IMPG2: variants seen among roughly 807,000 people sequenced by gnomAD.
The protein encoded by IMPG2 is IPM 200.
Under a neutral mutation model 129.2 loss-of-function variants are expected in IMPG2, and 91 were observed. The observed-to-expected ratio is 0.70, with a 90% CI of 0.59 to 0.84. The LOEUF (loss-of-function observed/expected upper bound fraction) is 0.84. Among genes scored for constraint, IMPG2 ranks in the 40% least tolerant of loss-of-function variants. The pLI is 0.00. For missense variants in IMPG2, 1,430 were observed against 1,461.7 expected, an observed-to-expected ratio of 0.98 and a Z score of 0.35; for synonymous variants, 510 against 517.7, an observed-to-expected ratio of 0.99 and a Z score of 0.20.
chr3:101,229,313 A>AAC, intron 17 of IMPG2, 67 bp downstream of exon 17: 3 of 401,342 alleles, frequency 7.5e-6, no homozygotes, highest in East Asian at 5.6e-5. Flanking sequence ...CCCACCCACC[A>AAC]CCCCCTGCTC....
chr3:101,316,727 C>T (rs1412339145), intron 2 of IMPG2, among the ~76,000 whole-genome samples: 1 of 152,050 alleles, frequency 6.6e-6, no homozygotes, highest in Non-Finnish European at 1.5e-5. Context: ...GTGACCCAGA[C>T]GTTCCACTAT....
At chr3:101,301,505 T>G (rs1707139217) in intron 3 of IMPG2, among the ~76,000 whole-genome samples, 1 of 152,212 alleles carries the variant, frequency 6.6e-6, no homozygotes, top group Non-Finnish European at 1.5e-5. Flanking sequence ...CCCCTATCCT[T>G]GGCTTCATAC....
chr3:101,244,312 G>C lies in IMPG2; in HGVS notation c.2019C>G (p.Ser673=), dbSNP rs1215315034. The C allele has an allele frequency of 6.2e-7, 1 of 1,613,652 alleles. No homozygotes were observed. Among genetic ancestry groups the C allele is most frequent in the South Asian group, 1.1e-5 (1 of 91,068 alleles). Reference sequence around the variant, plus strand: ...GAGGCTCTTCCTCTGGAAAGTGTGTGGATCTGTCATCATGTTCATATTTTG... The same window carrying C: ...GAGGCTCTTCCTCTGGAAAGTGTGTCGATCTGTCATCATGTTCATATTTTG... ...KHSKYEHDDR[S]THFPEEEPLS... is the part of the protein sequence containing the mutation. Residue 673 remains serine (S), a synonymous_variant, in exon 13 of 19, where the codon TCC becomes TCG. Coordinates refer to ENST00000193391, the MANE Select transcript of IMPG2 (RefSeq NM_016247.4).
At chr3:101,281,256 A>G (rs1706890064) in intron 4 of IMPG2, among the ~76,000 whole-genome samples, 1 of 152,220 alleles carries the variant, frequency 6.6e-6, no homozygotes, top group African/African-American at 2.4e-5. Context: ...TTCTTTCAAG[A>G]TGTCTGGCTA....
chr3:101,228,779 G>C lies in IMPG2; in HGVS notation c.3713+18C>G. 1 of 1,598,918 alleles carries C rather than the reference G, an allele frequency of 6.3e-7. No homozygotes were observed. The highest frequency in any genetic ancestry group is 8.6e-7 in the Non-Finnish European group (1 of 1,166,232). On this transcript the variant is annotated intron_variant, in intron 18 of 18. Coordinates refer to ENST00000193391, the MANE Select transcript of IMPG2 (RefSeq NM_016247.4). ...TTAAGTCTGTAGGTCGGGGTGGGGG[G>C]CTGTTTCAAAAGCTTACACTTGTTG...
At chr3:101,296,169 G>A (rs556479622) in intron 3 of IMPG2, among the ~76,000 whole-genome samples, 1 of 152,284 alleles carries the variant, frequency 6.6e-6, no homozygotes, top group South Asian at 2.1e-4. Flanking sequence ...TCCAGCTTTT[G>A]CCCATTCAGT....
In IMPG2 at chr3:101,320,454, G is replaced by T; in HGVS notation, c.-82C>A. On this transcript the variant is annotated 5_prime_UTR_variant, in exon 1 of 19. Transcript: ENST00000193391. ...TCCTTGAAACTTCCAATAACAAAGA[G>T]TTATAGGAAAGACCTAACATTTAAA... 1 of 845,458 alleles carries T rather than the reference G, an allele frequency of 1.2e-6. No individual in the cohort carries two copies. Among genetic ancestry groups the T allele is most frequent in the Non-Finnish European group, 2.0e-6 (1 of 496,384 alleles). 52.4% of individuals were successfully genotyped at this position (845,458 alleles called of 1,614,324 possible). A position where few individuals can be genotyped will look rare whatever the true frequency, so the allele number is the denominator to read the frequency against.
intron 15 of IMPG2, 51 bp downstream of exon 15, chr3:101,232,730 T>C (rs1706302753): frequency 6.6e-7 from 1 of 1,519,430 alleles, no homozygotes; most frequent in Non-Finnish European, 9.1e-7. Context: ...CCCTTTTCTT[T>C]AGAGGAAATA....
intron 12 of IMPG2, among the ~76,000 whole-genome samples, chr3:101,245,236 T>C (rs1282490737): frequency 6.6e-6 from 1 of 152,196 alleles, no homozygotes; most frequent in African/African-American, 2.4e-5. Context: ...TCATTATTTA[T>C]ATATTTCTTC....
At chr3:101,238,414 T>A (rs1470628895) in intron 14 of IMPG2, among the ~76,000 whole-genome samples, 1 of 152,082 alleles carries the variant, frequency 6.6e-6, no homozygotes, top group South Asian at 2.1e-4. Context: ...AGACACATAA[T>A]TGTCAGATTC....
intron 14 of IMPG2, among the ~76,000 whole-genome samples, chr3:101,238,338 G>A (rs894205668): frequency 6.6e-6 from 1 of 152,100 alleles, no homozygotes; most frequent in Non-Finnish European, 1.5e-5. Flanking sequence ...TAGCAAGACA[G>A]GCCAACATTA....
chr3:101,229,475 G>T lies in IMPG2; in HGVS notation c.3538C>A (p.His1180Asn). 6.2e-7 allele frequency: 1 copy of T among 1,613,484 alleles called. No individual in the cohort carries two copies. The highest frequency in any genetic ancestry group is 8.5e-7 in the Non-Finnish European group (1 of 1,180,002). Residue 1180 changes from histidine to asparagine, a missense_variant, in exon 17 of 19, where the codon CAT (histidine) becomes AAT (asparagine). Physicochemically the swap from His to Asn is moderately conservative, Grantham distance 68. Transcript: ENST00000193391. ...CCGCTAGCAGAGCTGTAGAAGGGAT[G>T]CTGAGGATAGGGTCCCTCATACTTC... ...CEKYEGPYPQ[H>N]PFYSSASGDV...
intron 18 of IMPG2, 73 bp from the exon 19 acceptor site, chr3:101,227,054 C>T: frequency 7.1e-7 from 1 of 1,400,820 alleles, no homozygotes; most frequent in Non-Finnish European, 1.0e-6. Context: ...TACTGTCATA[C>T]ATCACTAAGC....
At chr3:101,273,537 A>T in intron 7 of IMPG2, 44 bp downstream of exon 7, 1 of 1,594,520 alleles carries the variant, frequency 6.3e-7, no homozygotes. Flanking sequence ...GGAAACTAAC[A>T]TAGCAGGCAT....
At chr3:101,317,094 GGTGGGCATTATAAA>G (rs2058789132) in intron 2 of IMPG2, among the ~76,000 whole-genome samples, 1 of 69,584 alleles carries the variant, frequency 1.4e-5, no homozygotes, top group Non-Finnish European at 3.9e-5. Context: ...TAGTGAGGGA[GGTGGGCATTATAAA>G]TGGTCATGAA....
Position 101,297,036 on chromosome 3 carries a change from G to A in IMPG2, c.502-5526C>T, listed in dbSNP as rs1026831946. On this transcript the variant is annotated intron_variant, in intron 3 of 18. Coordinates refer to ENST00000193391, the MANE Select transcript of IMPG2 (RefSeq NM_016247.4). The stretch of plus-strand genomic sequence containing the variant: ...TCCTGCCTCAGCCTCCCGAGTAGCT[G>A]GGACTACAGGCGCCAGGCGCCAGCC... Among the ~76,000 whole-genome samples, 4 of 152,162 alleles carry A rather than the reference G, an allele frequency of 2.6e-5. No individual in the cohort carries two copies. The South Asian group carries it at 6.2e-4, about 24-fold the overall frequency.
intron 2 of IMPG2, among the ~76,000 whole-genome samples, chr3:101,313,045 T>C (rs896079398): frequency 6.6e-6 from 1 of 152,144 alleles, no homozygotes; most frequent in Non-Finnish European, 1.5e-5. Flanking sequence ...TCTGTGAATA[T>C]ACTAAAAAGC....
intron 11 of IMPG2, 146 bp from the exon 12 acceptor site, chr3:101,246,251 T>C (rs1421267966): frequency 1.4e-5 from 10 of 706,920 alleles, no homozygotes; most frequent in Non-Finnish European, 2.3e-5. Context: ...GGAGGAGACA[T>C]GGGCTCCAGA....
At chr3:101,297,101 G>C (rs893072341) in intron 3 of IMPG2, among the ~76,000 whole-genome samples, 4 of 151,942 alleles carry the variant, frequency 2.6e-5, no homozygotes, top group Non-Finnish European at 5.9e-5. Flanking sequence ...GTAGAGACAG[G>C]GTTTCACCAT....
Sources: gnomAD v4.1 joint callset for allele counts (sites outside exome capture counted in the v4.1 genomes callset) on GRCh38, gnomAD v4.1.1 for gene constraint, MANE v1.5 for transcripts, NCBI Gene and HGNC (gene_info 2026-07-23, HGNC 2026-07-21) for gene names.